LRRC7: variants seen among roughly 807,000 people sequenced by gnomAD.
LRRC7 encodes the protein leucine-rich repeat-containing protein 7.
A neutral mutation model predicts 175.7 loss-of-function variants in LRRC7; 23 were observed. That is an observed-to-expected ratio of 0.13 (90% CI 0.09 to 0.19). The LOEUF is 0.19. Ranked by LOEUF, LRRC7 falls within the 10% of genes least tolerant of loss-of-function variation. The probability of loss-of-function intolerance (pLI) is 1.00; values close to 1 mark genes in which losing one functional copy is unlikely to be tolerated. For missense variants in LRRC7, 1,354 were observed against 1,904.7 expected (o/e 0.71, Z 5.38); for synonymous variants, 685 against 680.9 (o/e 1.01, Z -0.09).
chr1:69,926,806 C>T (rs1647090033), intron 7 of LRRC7, among the ~76,000 whole-genome samples: 1 of 152,152 alleles, frequency 6.6e-6, no homozygotes, highest in South Asian at 2.1e-4. Context: ...AGCCCATTTA[C>T]ATTTAAAGTT....
chr1:69,770,943 C>A (rs947791593), intron 3 of LRRC7, among the ~76,000 whole-genome samples: 3 of 152,174 alleles, frequency 2.0e-5, no homozygotes, highest in Admixed American at 6.5e-5. Flanking sequence ...GTCATGTATC[C>A]ACTCTTCGAT....
chr1:69,741,790 G>C (rs1668740944), intron 2 of LRRC7, among the ~76,000 whole-genome samples: 1 of 151,672 alleles, frequency 6.6e-6, no homozygotes. Flanking sequence ...CCTTTCTTCT[G>C]TACCTCCTTT....
At chr1:69,717,905 G>A (rs1274073716) in intron 2 of LRRC7, among the ~76,000 whole-genome samples, 1 of 104,608 alleles carries the variant, frequency 9.6e-6, no homozygotes, top group African/African-American at 3.9e-5. Context: ...GAGGGAAGGA[G>A]GGAGAGAAAG....
At chr1:69,844,401 T>G (rs1409365539) in intron 7 of LRRC7, among the ~76,000 whole-genome samples, 1 of 152,144 alleles carries the variant, frequency 6.6e-6, no homozygotes, top group African/African-American at 2.4e-5. Flanking sequence ...GCTGTTTCTG[T>G]GAGTCTGACC....
At chr1:69,765,209 A>G (rs1671492489) in intron 3 of LRRC7, among the ~76,000 whole-genome samples, 1 of 152,134 alleles carries the variant, frequency 6.6e-6, no homozygotes, top group Admixed American at 6.6e-5. Context: ...TTTTACTGAT[A>G]CGTAAGTCCA....
In LRRC7 at chr1:69,726,530, T is replaced by C. The variant is rs1288484151; in HGVS notation, c.101-33661T>C. Among the ~76,000 whole-genome samples, 3 of 152,130 alleles carry C rather than the reference T, an allele frequency of 2.0e-5. No homozygotes were observed. The East Asian group carries it at 5.8e-4, about 29-fold the overall frequency. On this transcript the variant is annotated intron_variant, in intron 2 of 26. Transcript: ENST00000651989. The stretch of plus-strand genomic sequence containing the variant: ...AGAGAATGGCTACCAGGAACAGTCA[T>C]TGGATATCCAGGTAGCAATACTATG...
intron 2 of LRRC7, among the ~76,000 whole-genome samples, chr1:69,714,728 G>A (rs1665147994): frequency 6.6e-6 from 1 of 151,954 alleles, no homozygotes; most frequent in African/African-American, 2.4e-5. Context: ...TGTGGGTAAA[G>A]TCAGGGGCAG....
intron 13 of LRRC7, among the ~76,000 whole-genome samples, chr1:70,013,633 T>C (rs1344473496): frequency 6.6e-6 from 1 of 151,920 alleles, no homozygotes; most frequent in East Asian, 1.9e-4. Flanking sequence ...CGGCATTATA[T>C]TGATAGATGG....
chr1:70,046,896 C>T (rs1482568089), intron 22 of LRRC7, among the ~76,000 whole-genome samples: 2 of 152,096 alleles, frequency 1.3e-5, no homozygotes, highest in East Asian at 1.9e-4. Flanking sequence ...TCCTCCTGGG[C>T]GCCACTGACC....
At chr1:70,101,642 C>G (rs946894397) in intron 25 of LRRC7, among the ~76,000 whole-genome samples, 2 of 152,180 alleles carry the variant, frequency 1.3e-5, no homozygotes, top group African/African-American at 4.8e-5. Flanking sequence ...ATGCAAGAAG[C>G]CTCCCAAACT....
intron 7 of LRRC7, among the ~76,000 whole-genome samples, chr1:69,924,474 T>C (rs2101746880): frequency 6.6e-6 from 1 of 152,338 alleles, no homozygotes; most frequent in South Asian, 2.1e-4. Context: ...TTTTATTTCA[T>C]TGAGCAGTGG....
intron 1 of LRRC7, among the ~76,000 whole-genome samples, chr1:69,599,265 A>G (rs1368940654): frequency 6.6e-6 from 1 of 152,184 alleles, no homozygotes; most frequent in South Asian, 2.1e-4. Flanking sequence ...CCATGTGCCA[A>G]AAATAATTGT....
intron 10 of LRRC7, among the ~76,000 whole-genome samples, chr1:69,992,175 A>G (rs1228736194): frequency 1.3e-5 from 2 of 152,132 alleles, no homozygotes; most frequent in Non-Finnish European, 2.9e-5. Context: ...TATTGTTACA[A>G]TATAATATTT....
intron 23 of LRRC7, among the ~76,000 whole-genome samples, chr1:70,070,407 G>T (rs1312438123): frequency 6.6e-6 from 1 of 152,134 alleles, no homozygotes; most frequent in Non-Finnish European, 1.5e-5. Context: ...TTAAAAGTAT[G>T]ATAATTCTAA....
At chr1:69,677,792 C>G (rs368237312) in intron 1 of LRRC7, among the ~76,000 whole-genome samples, 31 of 152,106 alleles carry the variant, frequency 2.0e-4, no homozygotes, top group African/African-American at 6.0e-4. Flanking sequence ...ATACCATAGA[C>G]TCGGTGGCTT....
At chr1:69,689,819 G>A (rs188254232) in intron 2 of LRRC7, among the ~76,000 whole-genome samples, 15 of 152,194 alleles carry the variant, frequency 9.9e-5, no homozygotes, top group Admixed American at 2.0e-4. Context: ...AAACAGTGTC[G>A]TAACAATAAA....
intron 7 of LRRC7, among the ~76,000 whole-genome samples, chr1:69,879,418 A>G (rs1206484297): frequency 6.6e-6 from 1 of 152,066 alleles, no homozygotes; most frequent in East Asian, 1.9e-4. Flanking sequence ...AGCAGCAAAG[A>G]CGGTTTCTGA....
chr1:69,988,534 G>A (rs1049228157), intron 10 of LRRC7, among the ~76,000 whole-genome samples: 1 of 152,188 alleles, frequency 6.6e-6, no homozygotes, highest in Non-Finnish European at 1.5e-5. Context: ...ACCACAAACA[G>A]CAGCTGTAAG....
chr1:69,831,386 C>A (rs1243434590), intron 5 of LRRC7, among the ~76,000 whole-genome samples: 3 of 151,960 alleles, frequency 2.0e-5, no homozygotes, highest in Non-Finnish European at 4.4e-5. Context: ...TAATGCATTA[C>A]AACAAAGTAA....
Sources: gnomAD v4.1 joint callset for allele counts (sites outside exome capture counted in the v4.1 genomes callset) on GRCh38, gnomAD v4.1.1 for gene constraint, MANE v1.5 for transcripts, NCBI Gene and HGNC (gene_info 2026-07-23, HGNC 2026-07-21) for gene names.